DPYS: variants seen among roughly 807,000 people sequenced by gnomAD.
The protein encoded by DPYS is dihydropyrimidinase, also known as dihydropyrimidine amidohydrolase.
Under a neutral mutation model 50.3 loss-of-function variants are expected in DPYS, and 39 were observed. The observed-to-expected ratio is 0.78, with a 90% confidence interval of 0.60 to 1.01. DPYS has a LOEUF of 1.01. Among genes scored for constraint, DPYS ranks in the 50% least tolerant of loss-of-function variants. The pLI is 0.00. For missense variants in DPYS, 659 were observed against 680.9 expected (o/e 0.97, Z 0.36); for synonymous variants, 245 against 250.7 (o/e 0.98, Z 0.22).
intron 1 of DPYS, among the ~76,000 whole-genome samples, chr8:104,462,448 T>A (rs1004570391): frequency 1.7e-4 from 26 of 152,206 alleles, no homozygotes; most frequent in African/African-American, 6.0e-4. Context: ...ATCCCCACAA[T>A]GGCATTTTAC....
chr8:104,406,770 G>A (rs1159056613), intron 7 of DPYS, among the ~76,000 whole-genome samples: 1 of 152,138 alleles, frequency 6.6e-6, no homozygotes, highest in African/African-American at 2.4e-5. Flanking sequence ...CATACATATG[G>A]ATGTGTATGT....
chr8:104,434,246 A>T (rs991368920), intron 4 of DPYS, among the ~76,000 whole-genome samples: 2 of 152,218 alleles, frequency 1.3e-5, no homozygotes, highest in Admixed American at 6.5e-5. Flanking sequence ...GGGGCGGTGG[A>T]GACCAAAGTT....
chr8:104,407,841 A>T (rs745501019), intron 7 of DPYS, among the ~76,000 whole-genome samples: 1 of 152,266 alleles, frequency 6.6e-6, no homozygotes, highest in Non-Finnish European at 1.5e-5. Flanking sequence ...TACCATAAAG[A>T]AAGTTAGGTT....
chr8:104,444,564 C>G (rs1813466789), intron 3 of DPYS, 127 bp from the exon 4 acceptor site: 2 of 898,696 alleles, frequency 2.2e-6, no homozygotes, highest in South Asian at 3.0e-5. Context: ...GTGTGTGTGT[C>G]TGTGTGTGTG....
chr8:104,424,228 T>C lies in DPYS; in HGVS notation c.1235+19A>G. 6.2e-7 allele frequency: 1 copy of C among 1,614,074 alleles called. No individual in the cohort carries two copies. Among genetic ancestry groups the C allele is most frequent in the Non-Finnish European group, 8.5e-7 (1 of 1,179,964 alleles). On this transcript the variant is annotated intron_variant, in intron 7 of 9. Coordinates refer to ENST00000351513, the MANE Select transcript of DPYS (RefSeq NM_001385.3). ...TTTTCTCCACAATGAAGCCAAGGAA[T>C]ACAAGAACTTAGACTTACCTTGTGC... is the stretch of plus-strand genomic sequence containing the variant.
intron 4 of DPYS, among the ~76,000 whole-genome samples, chr8:104,435,162 C>G (rs1462489450): frequency 6.6e-6 from 1 of 152,176 alleles, no homozygotes; most frequent in Non-Finnish European, 1.5e-5. Flanking sequence ...TGTATAGCTA[C>G]TCAGACCAAA....
intron 1 of DPYS, among the ~76,000 whole-genome samples, chr8:104,458,525 A>ATT: frequency 6.6e-6 from 1 of 152,308 alleles, no homozygotes; most frequent in East Asian, 1.9e-4. Context: ...TTCCCCAGAG[A>ATT]TTCTGATTTA....
intron 5 of DPYS, 177 bp downstream of exon 5, chr8:104,429,368 C>T (rs1356350311): frequency 3.0e-6 from 2 of 675,686 alleles, no homozygotes; most frequent in African/African-American, 1.8e-5. Flanking sequence ...GACAACATAT[C>T]ACAGCATAAT....
At chr8:104,410,920 C>T (rs1341325900) in intron 7 of DPYS, among the ~76,000 whole-genome samples, 3 of 152,062 alleles carry the variant, frequency 2.0e-5, no homozygotes, top group Admixed American at 1.3e-4. Context: ...CTGTCCAGAG[C>T]CACCTCCAAG....
rs377355021 is a variant in DPYS at position 104,451,237 on chromosome 8, G to T, written c.423+9C>A. ...ACAATGGGAACACATTGAAATCCAG[G>T]TGCTTTACCTGGTCACTCCACCACG... On this transcript the variant is annotated intron_variant, in intron 2 of 9. Coordinates refer to ENST00000351513, the MANE Select transcript of DPYS (RefSeq NM_001385.3). 9.9e-6 allele frequency: 16 copies of T among 1,613,522 alleles called. No homozygotes were observed. The highest frequency in any genetic ancestry group is 1.4e-5 in the Non-Finnish European group (16 of 1,179,986).
rs562134923 is a variant in DPYS, at chr8:104,412,597, C to T, written c.1235+11650G>A. On this transcript the variant is annotated intron_variant, in intron 7 of 9. Transcript: ENST00000351513. ...AGCTTTGTTGTCTTCACTTCCTCCCCCATTCATATTCCAGCTCCAGGCCCA... is the reference window on the plus strand; with the variant it reads ...AGCTTTGTTGTCTTCACTTCCTCCCTCATTCATATTCCAGCTCCAGGCCCA... 6.6e-5 allele frequency among the ~76,000 whole-genome samples: 10 copies of T among 152,252 alleles called. No individual in the cohort carries two copies. In the East Asian group the frequency reaches 1.2e-3, roughly 18 times the overall value.
intron 6 of DPYS, among the ~76,000 whole-genome samples, chr8:104,426,812 T>C (rs1477937176): frequency 6.6e-6 from 1 of 152,216 alleles, no homozygotes; most frequent in Non-Finnish European, 1.5e-5. Context: ...AGTTTTGTAG[T>C]CATGGACATT....
chr8:104,464,428 G>A (rs191967337), intron 1 of DPYS, among the ~76,000 whole-genome samples: 2 of 152,274 alleles, frequency 1.3e-5, no homozygotes, highest in East Asian at 3.9e-4. Context: ...GCTTCATCTG[G>A]AACCCTGATG....
rs1468858972 is a variant in DPYS, at chr8:104,464,278, G to A, written c.264+2379C>T. Among the ~76,000 whole-genome samples, 5 of 152,106 alleles carry A rather than the reference G, an allele frequency of 3.3e-5. No homozygotes were observed. In the East Asian group the frequency reaches 7.7e-4, roughly 23 times the overall value. On this transcript the variant is annotated intron_variant, in intron 1 of 9. Transcript: ENST00000351513. The stretch of plus-strand genomic sequence containing the variant: ...TCAGTTAAGAATTATAAATCTCTCT[G>A]AACTAGAGAATCCCAGAATGGCTAA...
At chr8:104,404,610 T>C (rs1811932783) in intron 7 of DPYS, among the ~76,000 whole-genome samples, 1 of 152,250 alleles carries the variant, frequency 6.6e-6, no homozygotes, top group South Asian at 2.1e-4. Context: ...GGCTCCTTGG[T>C]GTGAACTGGA....
chr8:104,381,051 C>A, intron 9 of DPYS, 133 bp downstream of exon 9: 1 of 768,282 alleles, frequency 1.3e-6, no homozygotes, highest in African/African-American at 1.7e-5. Flanking sequence ...ATCAATCTTC[C>A]CTTGGCTCAA....
chr8:104,453,036 C>A (rs1375880362), intron 1 of DPYS, among the ~76,000 whole-genome samples: 1 of 152,082 alleles, frequency 6.6e-6, no homozygotes. Context: ...TTCCGGCCCC[C>A]ACCACCCTCC....
At chr8:104,416,369 T>C (rs1366857579) in intron 7 of DPYS, among the ~76,000 whole-genome samples, 1 of 152,214 alleles carries the variant, frequency 6.6e-6, no homozygotes, top group Non-Finnish European at 1.5e-5. Flanking sequence ...CCTGTAACTT[T>C]GCAAAAGCAC....
intron 7 of DPYS, among the ~76,000 whole-genome samples, chr8:104,408,818 G>T (rs796906129): frequency 1.3e-4 from 18 of 143,522 alleles, no homozygotes; most frequent in African/African-American, 3.9e-4. Flanking sequence ...TTTTTTGTTT[G>T]TTTTTTTTTT....
Sources: allele counts gnomAD v4.1 joint callset (sites outside exome capture counted in the v4.1 genomes callset), GRCh38; gene constraint gnomAD v4.1.1; transcripts MANE v1.5; gene names NCBI Gene and HGNC (gene_info 2026-07-23, HGNC 2026-07-21).